Variants in KIT observed in about 807,000 individuals in gnomAD.
The protein encoded by KIT is KIT proto-oncogene, receptor tyrosine kinase, also known as mast/stem cell growth factor receptor Kit.
Under a neutral mutation model 105.7 loss-of-function variants are expected in KIT, and 16 were observed. The ratio of observed to expected loss-of-function variants is 0.15; its 90% CI spans 0.10 to 0.23. The LOEUF (loss-of-function observed/expected upper bound fraction) is 0.23. Among genes scored for constraint, KIT ranks in the 10% least tolerant of loss-of-function variants. The pLI is 1.00. For missense variants in KIT, 858 were observed against 1,213.8 expected (o/e 0.71, Z 4.36); for synonymous variants, 438 against 441.1 (o/e 0.99, Z 0.09).
chr4:54,702,904 GT>G (rs1024780037), intron 4 of KIT, among the ~76,000 whole-genome samples: 10 of 152,138 alleles, frequency 6.6e-5, no homozygotes, highest in East Asian at 1.9e-4. Context: ...TTAATTGGTT[GT>G]TTTTTTCCCC....
Position 54,729,148 on chromosome 4 carries a change from A to G in KIT, c.1991-187A>G, listed in dbSNP as rs55901764. ...AGGTTAAAAGAGGCTTGCTTGTTTT[A>G]TGTTACTCCACATAAGGCTGCTTTT... On this transcript the variant is annotated intron_variant, in intron 13 of 20. Coordinates refer to ENST00000288135, the MANE Select transcript of KIT (RefSeq NM_000222.3). 22 of 611,162 alleles carry G rather than the reference A, an allele frequency of 3.6e-5. No individual in the cohort carries two copies. In the East Asian group the frequency reaches 5.5e-4, roughly 15 times the overall value. 37.9% of individuals were successfully genotyped at this position (611,162 alleles called of 1,614,324 possible). A position where few individuals can be genotyped will look rare whatever the true frequency, so the allele number is the denominator to read the frequency against.
chr4:54,715,928 C>T (rs1355536759), intron 7 of KIT, among the ~76,000 whole-genome samples: 1 of 149,686 alleles, frequency 6.7e-6, no homozygotes, highest in Non-Finnish European at 1.5e-5. Context: ...CTGTGCCCTT[C>T]AGGAAGATCC....
chr4:54,721,054 A>G (rs77593792), intron 7 of KIT, among the ~76,000 whole-genome samples: 9,478 of 152,252 alleles, frequency 0.062, 955 homozygotes, highest in African/African-American at 0.21. Flanking sequence ...TGGGATCTTC[A>G]TCATACAACA....
intron 1 of KIT, among the ~76,000 whole-genome samples, chr4:54,665,247 C>T (rs1717604488): frequency 6.6e-6 from 1 of 152,168 alleles, no homozygotes; most frequent in African/African-American, 2.4e-5. Context: ...GAAAAATATT[C>T]CATTGTATGT....
intron 5 of KIT, among the ~76,000 whole-genome samples, chr4:54,706,414 CATTTT>C (rs1720792506): frequency 6.6e-6 from 1 of 151,950 alleles, no homozygotes; most frequent in Admixed American, 6.6e-5. Context: ...ATTTTTTCTA[CATTTT>C]ATTCTCCTTT....
intron 4 of KIT, among the ~76,000 whole-genome samples, chr4:54,701,946 AGT>A (rs1340788058): frequency 2.6e-5 from 4 of 152,212 alleles, no homozygotes. Context: ...AAATCTACAT[AGT>A]GTTACAAACT....
At chr4:54,702,159 C>T (rs1215796049) in intron 4 of KIT, among the ~76,000 whole-genome samples, 2 of 151,934 alleles carry the variant, frequency 1.3e-5, no homozygotes, top group Admixed American at 1.3e-4. Flanking sequence ...TTTGTAAAAC[C>T]TTAATAACAT....
intron 17 of KIT, among the ~76,000 whole-genome samples, chr4:54,734,690 AT>A: frequency 6.6e-6 from 1 of 152,222 alleles, no homozygotes; most frequent in South Asian, 2.1e-4. Context: ...ACCGCCCCAC[AT>A]TTTTGTCATC....
At chr4:54,683,852 G>T (rs571211756) in intron 1 of KIT, among the ~76,000 whole-genome samples, 27 of 152,304 alleles carry the variant, frequency 1.8e-4, no homozygotes, top group Non-Finnish European at 3.4e-4. Flanking sequence ...AATGAGTCAA[G>T]GTGAGGGTTG....
At chr4:54,721,959 A>G (rs765497401) in intron 7 of KIT, among the ~76,000 whole-genome samples, 1 of 152,188 alleles carries the variant, frequency 6.6e-6, no homozygotes, top group Non-Finnish European at 1.5e-5. Context: ...AGAAAGGTAG[A>G]TATTCTGATT....
intron 6 of KIT, among the ~76,000 whole-genome samples, chr4:54,707,628 A>G (rs909640652): frequency 3.3e-5 from 5 of 152,224 alleles, no homozygotes; most frequent in African/African-American, 9.6e-5. Flanking sequence ...GTTAGTACCT[A>G]TAATTGTTTC....
At chr4:54,674,132 CT>C (rs945397408) in intron 1 of KIT, among the ~76,000 whole-genome samples, 3 of 151,464 alleles carry the variant, frequency 2.0e-5, no homozygotes, top group Admixed American at 6.6e-5. Context: ...TATCCTAAGA[CT>C]TTTTTTTTGT....
At chr4:54,733,022 A>C (rs1308126655) in intron 16 of KIT, 48 bp from the exon 17 acceptor site, 2 of 1,550,500 alleles carry the variant, frequency 1.3e-6, no homozygotes, top group Non-Finnish European at 8.9e-7. Context: ...CACTCTTTAC[A>C]AGTTAAAATG....
In KIT at chr4:54,681,124, A is replaced by G. The variant is rs115306134; in HGVS notation, c.68-14388A>G. Among the ~76,000 whole-genome samples the G allele has an allele frequency of 5.7e-3, 870 of 152,284 alleles. 7 individuals are homozygous for G. Among genetic ancestry groups the G allele is most frequent in the African/African-American group, 0.019 (810 of 41,556 alleles). ...GAAGAAAATGTTCAAAGAAGGGACG[A>G]GCTCGCTACCCCGACCCCAAACTTC... is the stretch of plus-strand genomic sequence containing the variant. On this transcript the variant is annotated intron_variant, in intron 1 of 20. Transcript: ENST00000288135.
intron 7 of KIT, among the ~76,000 whole-genome samples, chr4:54,710,128 C>G (rs74831412): frequency 0.015 from 2,291 of 152,304 alleles, 67 homozygotes; most frequent in African/African-American, 0.052. Flanking sequence ...TGCTGGGGTC[C>G]TACCGACCCC....
At chr4:54,721,136 G>A (rs115090586) in intron 7 of KIT, among the ~76,000 whole-genome samples, 9,227 of 152,210 alleles carry the variant, frequency 0.061, 904 homozygotes, top group African/African-American at 0.21. Flanking sequence ...GTAAGATGTC[G>A]TTTCTGCCCT....
Position 54,738,444 on chromosome 4 carries a change from G to T in KIT, c.2818G>T (p.Ala940Ser), listed in dbSNP as rs1723051919. The change falls in exon 21 of 21, where the codon GCA (alanine) becomes TCA (serine). Residue 940 changes from alanine (A) to serine (S), a missense_variant. Ala to Ser is a moderately conservative substitution (Grantham distance 99). This residue lies in a region of KIT where 105 missense variants were observed against 103.5 expected (regional missense o/e 1.01). Transcript: ENST00000288135. ...TTTTCTCCAGATTTACTCCAACTTA[G>T]CAAACTGCAGCCCCAACCGACAGAA... Reference protein sequence around the residue: ...ESTNHIYSNLANCSPNRQKPV... With the variant: ...ESTNHIYSNLSNCSPNRQKPV... 1 of 1,614,010 alleles carries T rather than the reference G, an allele frequency of 6.2e-7. No individual in the cohort carries two copies.
intron 2 of KIT, among the ~76,000 whole-genome samples, chr4:54,696,233 T>C (rs1284212266): frequency 1.3e-5 from 2 of 152,204 alleles, no homozygotes; most frequent in Admixed American, 1.3e-4. Context: ...AATAATTTGG[T>C]CAGCTAAACA....
Position 54,714,582 on chromosome 4 carries a change from A to G in KIT, c.1231+5043A>G, listed in dbSNP as rs1475121335. Among the ~76,000 whole-genome samples, 9 of 152,314 alleles carry G rather than the reference A, an allele frequency of 5.9e-5. No homozygotes were observed. In the East Asian group the frequency reaches 1.7e-3, roughly 29 times the overall value. On this transcript the variant is annotated intron_variant, in intron 7 of 20. Transcript: ENST00000288135. The stretch of plus-strand genomic sequence containing the variant: ...TGTGAATCCTGAAATAATTTACATA[A>G]TTGTAGAAATAAATTATGGTTGATA...
Sources: allele counts gnomAD v4.1 joint callset (sites outside exome capture counted in the v4.1 genomes callset), GRCh38; gene constraint gnomAD v4.1.1; regional missense constraint gnomAD v4.1.1; transcripts MANE v1.5; gene names NCBI Gene and HGNC (gene_info 2026-07-23, HGNC 2026-07-21).